Variants in FHIT observed in about 807,000 individuals in gnomAD.
FHIT encodes the protein bis(5'-adenosyl)-triphosphatase.
A neutral mutation model predicts 17.9 loss-of-function variants in FHIT; 19 were observed. The ratio of observed to expected loss-of-function variants is 1.06; its 90% CI spans 0.74 to 1.56. FHIT has a LOEUF of 1.56. Ranked by LOEUF, FHIT falls within the 40% of genes most tolerant of loss-of-function variation. The pLI is 0.00. For synonymous variants in FHIT, 81 were observed against 69.7 expected (o/e 1.16, Z -0.81); for missense variants, 248 against 189.2 (o/e 1.31, Z -1.82).
chr3:61,054,008 T>C (rs1368040755), intron 2 of FHIT, among the ~76,000 whole-genome samples: 1 of 152,140 alleles, frequency 6.6e-6, no homozygotes, highest in Non-Finnish European at 1.5e-5. Flanking sequence ...GGGTCATCTG[T>C]CCAGAGGCTT....
chr3:60,606,879 A>T (rs2038625738), intron 4 of FHIT, among the ~76,000 whole-genome samples: 1 of 152,090 alleles, frequency 6.6e-6, no homozygotes, highest in Non-Finnish European at 1.5e-5. Flanking sequence ...ACTCCCCGAT[A>T]TCCTTCTATT....
In FHIT at chr3:60,360,618, TAATA is replaced by T. The variant is rs1210328223; in HGVS notation, c.103+176238_103+176241del. Among the ~76,000 whole-genome samples, 6 of 152,320 alleles carry T rather than the reference TAATA, an allele frequency of 3.9e-5. No homozygotes were observed. In the East Asian group the frequency reaches 7.7e-4, roughly 20 times the overall value. ...ATAGCTATCCTATGAAATAGGTAAC[TAATA>T]AATAGCAGCAATATTTAATAGGCAT... On this transcript the variant is annotated intron_variant, in intron 5 of 9. Transcript: ENST00000492590.
At chr3:60,576,062 T>TC (rs1553657493) in intron 4 of FHIT, among the ~76,000 whole-genome samples, 2 of 151,840 alleles carry the variant, frequency 1.3e-5, no homozygotes, top group Non-Finnish European at 2.9e-5. Flanking sequence ...CACTAATGCC[T>TC]CCCATTGAGC....
intron 5 of FHIT, among the ~76,000 whole-genome samples, chr3:60,505,032 C>T (rs1471271035): frequency 4.6e-5 from 7 of 152,134 alleles, no homozygotes; most frequent in Non-Finnish European, 1.0e-4. Flanking sequence ...CCACTATCAC[C>T]CCAAAAGTTT....
intron 8 of FHIT, among the ~76,000 whole-genome samples, chr3:59,859,060 C>A (rs1276051444): frequency 1.3e-5 from 2 of 152,140 alleles, no homozygotes; most frequent in African/African-American, 4.8e-5. Context: ...CGGACAGGAA[C>A]CAGAGCTGCT....
chr3:60,769,329 G>A (rs1037662605), intron 4 of FHIT, among the ~76,000 whole-genome samples: 9 of 152,104 alleles, frequency 5.9e-5, no homozygotes, highest in African/African-American at 1.4e-4. Context: ...TATATGTCCA[G>A]GGGTCAAAGG....
At chr3:60,372,454 C>G (rs1393126317) in intron 5 of FHIT, among the ~76,000 whole-genome samples, 1 of 152,144 alleles carries the variant, frequency 6.6e-6, no homozygotes, top group African/African-American at 2.4e-5. Flanking sequence ...ATGAGTCTGT[C>G]TGCTTATCTC....
intron 8 of FHIT, among the ~76,000 whole-genome samples, chr3:59,892,258 CTGACAAAT>C (rs1703885941): frequency 6.6e-6 from 1 of 152,208 alleles, no homozygotes; most frequent in Non-Finnish European, 1.5e-5. Context: ...CCTAAGCAAA[CTGACAAAT>C]TGCGCTCAGG....
At chr3:60,033,154 A>C (rs991195693) in intron 5 of FHIT, among the ~76,000 whole-genome samples, 6 of 152,200 alleles carry the variant, frequency 3.9e-5, no homozygotes, top group Non-Finnish European at 7.3e-5. Context: ...ATTTTAAAAC[A>C]GTCAAAGAAC....
intron 8 of FHIT, among the ~76,000 whole-genome samples, chr3:59,762,193 G>A (rs188535130): frequency 6.6e-5 from 10 of 152,174 alleles, no homozygotes; most frequent in East Asian, 3.9e-4. Context: ...AGAGTGGGAC[G>A]GCGTGCAATT....
At chr3:60,250,582 A>G (rs1705651780) in intron 5 of FHIT, among the ~76,000 whole-genome samples, 1 of 152,136 alleles carries the variant, frequency 6.6e-6, no homozygotes, top group African/African-American at 2.4e-5. Context: ...ACAATTTAGA[A>G]TTTCCAGGGC....
intron 4 of FHIT, among the ~76,000 whole-genome samples, chr3:60,804,899 G>A (rs1192597134): frequency 2.6e-5 from 4 of 152,174 alleles, no homozygotes; most frequent in Non-Finnish European, 4.4e-5. Context: ...TCTTGGCATG[G>A]CCATGGCAAT....
At chr3:59,851,035 T>G (rs1042325621) in intron 8 of FHIT, among the ~76,000 whole-genome samples, 14 of 152,088 alleles carry the variant, frequency 9.2e-5, no homozygotes, top group Non-Finnish European at 2.9e-5. Flanking sequence ...AAGAGCAGGG[T>G]CTTCTCTATT....
At chr3:61,174,823 C>T (rs751804983) in intron 2 of FHIT, among the ~76,000 whole-genome samples, 1 of 152,174 alleles carries the variant, frequency 6.6e-6, no homozygotes, top group Non-Finnish European at 1.5e-5. Context: ...CAATTCTATA[C>T]AATACATACT....
chr3:60,045,698 T>C (rs1038061925), intron 5 of FHIT, among the ~76,000 whole-genome samples: 10 of 152,178 alleles, frequency 6.6e-5, no homozygotes, highest in African/African-American at 9.7e-5. Flanking sequence ...GCCTCCAGGA[T>C]GGAAACAAAT....
At chr3:60,064,480 C>CTTCTAGAAT (rs1464003502) in intron 5 of FHIT, among the ~76,000 whole-genome samples, 2 of 152,162 alleles carry the variant, frequency 1.3e-5, no homozygotes, top group Non-Finnish European at 2.9e-5. Context: ...ACAGACAGTA[C>CTTCTAGAAT]TTCTAGAATT....
chr3:60,885,658 C>T (rs1705190180), intron 3 of FHIT, among the ~76,000 whole-genome samples: 3 of 152,174 alleles, frequency 2.0e-5, no homozygotes, highest in Admixed American at 1.3e-4. Flanking sequence ...TTATCAACCT[C>T]ACTACCCCAG....
At chr3:60,576,562 G>A (rs782510811) in intron 4 of FHIT, among the ~76,000 whole-genome samples, 1 of 152,102 alleles carries the variant, frequency 6.6e-6, no homozygotes, top group Non-Finnish European at 1.5e-5. Context: ...TTTTTGTTTC[G>A]AAAGGTCTGT....
intron 5 of FHIT, among the ~76,000 whole-genome samples, chr3:60,129,049 G>GTTTTTTTTTTTTTTTTTT (rs1553692328): frequency 1.7e-5 from 2 of 121,042 alleles, no homozygotes; most frequent in Non-Finnish European, 1.6e-5. Context: ...TTCCTTTTTT[G>GTTTTTTTTTTTTTTTTTT]TTTGTTTTTT....
Sources: gnomAD v4.1 joint callset for allele counts (sites outside exome capture counted in the v4.1 genomes callset) on GRCh38, gnomAD v4.1.1 for gene constraint, MANE v1.5 for transcripts, NCBI Gene and HGNC (gene_info 2026-07-23, HGNC 2026-07-21) for gene names.